The following DLEU7 variants were observed in gnomAD, a reference collection of about 807,000 sequenced individuals.
DLEU7 encodes leukemia-associated protein 7.
A neutral mutation model predicts 16.0 loss-of-function variants in DLEU7; 17 were observed. The observed-to-expected ratio is 1.06, with a 90% CI of 0.73 to 1.59. The LOEUF is 1.59. Among genes scored for constraint, DLEU7 ranks in the 40% most tolerant of loss-of-function variants. The pLI is 0.00. For synonymous variants in DLEU7, 113 were observed against 139.8 expected (o/e 0.81, Z 1.35); for missense variants, 308 against 314.9 (o/e 0.98, Z 0.17).
At chr13:50,843,762 G>C, upstream of DLEU7, 1 of 1,360,634 alleles carries the variant, frequency 7.3e-7, no homozygotes. The surrounding 1 kb of genome is among the most constrained non-coding windows in gnomAD (Gnocchi z 5.7). Flanking sequence ...CGGCCTCTGG[G>C]TCTCACAGCG....
intron 1 of DLEU7, among the ~76,000 whole-genome samples, chr13:50,783,822 C>A (rs970328600): frequency 1.3e-5 from 2 of 152,204 alleles, no homozygotes; most frequent in Non-Finnish European, 2.9e-5. Context: ...CCATCCCCAG[C>A]CATCAGTCCC....
At chr13:50,764,736 C>G (rs1875047593) in intron 1 of DLEU7, among the ~76,000 whole-genome samples, 1 of 152,106 alleles carries the variant, frequency 6.6e-6, no homozygotes, top group Admixed American at 6.5e-5. Context: ...AGTCAAATCC[C>G]TTGAGTGTTC....
At chr13:50,769,863 A>C (rs1341752165) in intron 1 of DLEU7, among the ~76,000 whole-genome samples, 1 of 152,202 alleles carries the variant, frequency 6.6e-6, no homozygotes, top group Non-Finnish European at 1.5e-5. Context: ...TTGAATCTAT[A>C]AATTACCTTG....
chr13:50,753,897 T>C (rs1013341559), intron 1 of DLEU7, among the ~76,000 whole-genome samples: 4 of 152,244 alleles, frequency 2.6e-5, no homozygotes, highest in Non-Finnish European at 5.9e-5. Context: ...GTTTGAAGAA[T>C]TTTTTAATTT....
At chr13:50,722,032 G>A (rs953301327) in intron 1 of DLEU7, among the ~76,000 whole-genome samples, 33 of 152,146 alleles carry the variant, frequency 2.2e-4, no homozygotes, top group Non-Finnish European at 1.3e-4. Context: ...CACAGAGAAA[G>A]GTGAGAGCAA....
At position 50,804,296 on chromosome 13, in the gene DLEU7, T is replaced by G. The variant is rs1412013028; in HGVS notation, c.459+38892A>C. Among the ~76,000 whole-genome samples, 3 of 152,126 alleles carry G rather than the reference T, an allele frequency of 2.0e-5. 1 individual carries two copies. The highest frequency in any genetic ancestry group is 4.4e-5 in the Non-Finnish European group (3 of 68,006). On this transcript the variant is annotated intron_variant, in intron 1 of 1. Transcript: ENST00000400393. ...CCTGTATTAAATGTTTATATTTTTT[T>G]AGAGAGAATTGAAAACTGTCTGATA...
chr13:50,788,548 C>T (rs562625678), intron 1 of DLEU7, among the ~76,000 whole-genome samples: 14 of 152,292 alleles, frequency 9.2e-5, no homozygotes, highest in Non-Finnish European at 1.9e-4. Context: ...TCTCCAACTC[C>T]AGGGCTTCAG....
chr13:50,842,835 G>T (rs1001933918), intron 1 of DLEU7, among the ~76,000 whole-genome samples: 1 of 152,312 alleles, frequency 6.6e-6, no homozygotes, highest in East Asian at 1.9e-4. Flanking sequence ...GAAAGTGGGT[G>T]GGGGGAGCTG....
At chr13:50,769,041 G>A (rs1413349142) in intron 1 of DLEU7, among the ~76,000 whole-genome samples, 1 of 152,144 alleles carries the variant, frequency 6.6e-6, no homozygotes, top group Admixed American at 6.5e-5. Flanking sequence ...ACCAGTGATG[G>A]TGAGCATTTT....
downstream of DLEU7, chr13:50,711,772 C>CCGGGGGGGGTG: frequency 2.7e-5 from 2 of 72,928 alleles, 1 homozygote; most frequent in African/African-American, 7.8e-5. Flanking sequence ...GACCCAGTGG[C>CCGGGGGGGGTG]GGGGGCGGGG....
chr13:50,841,322 T>G (rs771065850), intron 1 of DLEU7, among the ~76,000 whole-genome samples: 22 of 152,322 alleles, frequency 1.4e-4, no homozygotes, highest in East Asian at 1.3e-3. Flanking sequence ...TCAGTCCCTT[T>G]CAGTGCTGCT....
intron 1 of DLEU7, among the ~76,000 whole-genome samples, chr13:50,735,669 AAAC>A (rs1312255054): frequency 6.6e-6 from 1 of 152,168 alleles, no homozygotes; most frequent in Non-Finnish European, 1.5e-5. Context: ...TACAAGAAAA[AAAC>A]AACCTCATTA....
intron 1 of DLEU7, among the ~76,000 whole-genome samples, chr13:50,829,710 ATT>A (rs1877201671): frequency 6.6e-6 from 1 of 152,178 alleles, no homozygotes; most frequent in Non-Finnish European, 1.5e-5. Context: ...TCTCAAATAT[ATT>A]AGCAAAGAAA....
intron 1 of DLEU7, chr13:50,715,572 A>G (rs930075257): frequency 1.3e-5 from 2 of 152,294 alleles, no homozygotes; most frequent in Admixed American, 1.3e-4. Context: ...GAACTGGGCT[A>G]TCAGCCGAGA....
intron 1 of DLEU7, among the ~76,000 whole-genome samples, chr13:50,838,833 A>G (rs1442095637): frequency 6.6e-6 from 1 of 152,192 alleles, no homozygotes; most frequent in Non-Finnish European, 1.5e-5. Flanking sequence ...GACACCAAAG[A>G]CATGCAAAGC....
chr13:50,759,815 G>A (rs1433852938), intron 1 of DLEU7, among the ~76,000 whole-genome samples: 1 of 152,068 alleles, frequency 6.6e-6, no homozygotes, highest in African/African-American at 2.4e-5. Context: ...GAGTTACCCT[G>A]GATCTCCACG....
chr13:50,764,718 G>A (rs558780007), intron 1 of DLEU7, among the ~76,000 whole-genome samples: 83 of 152,240 alleles, frequency 5.5e-4, no homozygotes, highest in Middle Eastern at 3.4e-3. Context: ...GCTTGTTCAG[G>A]GAACTTGAGT....
intron 1 of DLEU7, among the ~76,000 whole-genome samples, chr13:50,839,008 T>C (rs1485336970): frequency 6.6e-6 from 1 of 152,190 alleles, no homozygotes; most frequent in Non-Finnish European, 1.5e-5. Flanking sequence ...ATGTCTGTTA[T>C]TTAAGTCACC....
intron 1 of DLEU7, among the ~76,000 whole-genome samples, chr13:50,801,233 C>T (rs1354850853): frequency 1.3e-5 from 2 of 151,916 alleles, no homozygotes; most frequent in Admixed American, 6.6e-5. Context: ...GGAGGGGAGT[C>T]GGTTTGAAAG....
Sources: allele counts gnomAD v4.1 joint callset (sites outside exome capture counted in the v4.1 genomes callset), GRCh38; gene constraint gnomAD v4.1.1; non-coding constraint Gnocchi (gnomAD v3.1); transcripts MANE v1.5; gene names NCBI Gene and HGNC (gene_info 2026-07-23, HGNC 2026-07-21).